ASIC2: variants seen among roughly 807,000 people sequenced by gnomAD.
ASIC2 encodes the protein acid sensing ion channel subunit 2.
Under a neutral mutation model 57.3 loss-of-function variants are expected in ASIC2, and 25 were observed. The ratio of observed to expected loss-of-function variants is 0.44; its 90% CI spans 0.32 to 0.61. The LOEUF (loss-of-function observed/expected upper bound fraction) is 0.61, where lower values mean the gene tolerates loss of function less well. Ranked by LOEUF, ASIC2 falls within the 20% of genes least tolerant of loss-of-function variation. The pLI is 0.06. For synonymous variants in ASIC2, 319 were observed against 307.5 expected (o/e 1.04, Z -0.39); for missense variants, 641 against 738.1 (o/e 0.87, Z 1.52).
intron 1 of ASIC2, among the ~76,000 whole-genome samples, chr17:33,970,440 G>C (rs529805574): frequency 1.1e-4 from 16 of 152,342 alleles, no homozygotes; most frequent in Non-Finnish European, 2.2e-4. Context: ...CCCACACCCA[G>C]CTGTGAAACA....
chr17:34,021,986 C>T (rs989829393), intron 1 of ASIC2, among the ~76,000 whole-genome samples: 35 of 151,808 alleles, frequency 2.3e-4, no homozygotes, highest in Non-Finnish European at 3.8e-4. Flanking sequence ...TATAGGTGCC[C>T]GCCACCACGC....
At chr17:33,882,497 G>C (rs970705020) in intron 1 of ASIC2, among the ~76,000 whole-genome samples, 8 of 152,178 alleles carry the variant, frequency 5.3e-5, no homozygotes, top group African/African-American at 1.9e-4. Flanking sequence ...GCAGCCAACA[G>C]ACACATGAAA....
At chr17:33,767,768 T>C (rs1433962409) in intron 1 of ASIC2, among the ~76,000 whole-genome samples, 1 of 152,216 alleles carries the variant, frequency 6.6e-6, no homozygotes, top group African/African-American at 2.4e-5. Context: ...ACTATGAATA[T>C]TTTTAGACAA....
At chr17:33,430,767 G>A (rs9890047) in intron 1 of ASIC2, among the ~76,000 whole-genome samples, 41,186 of 152,086 alleles carry the variant, frequency 0.27, 5,648 homozygotes, top group South Asian at 0.35. Context: ...AAAAACAAAC[G>A]ATTAAAAAAC....
At chr17:33,399,732 C>T (rs1201314871) in intron 1 of ASIC2, among the ~76,000 whole-genome samples, 2 of 152,138 alleles carry the variant, frequency 1.3e-5, no homozygotes, top group Non-Finnish European at 2.9e-5. Flanking sequence ...GGAGAGAAAG[C>T]CACAGGCAGA....
chr17:33,806,508 T>C (rs1295583082), intron 1 of ASIC2, among the ~76,000 whole-genome samples: 1 of 152,240 alleles, frequency 6.6e-6, no homozygotes, highest in Non-Finnish European at 1.5e-5. Context: ...GAAAACAGCA[T>C]GAGCTTCTGT....
chr17:33,299,685 T>C (rs925328430), intron 1 of ASIC2, among the ~76,000 whole-genome samples: 2 of 151,628 alleles, frequency 1.3e-5, no homozygotes, highest in African/African-American at 4.8e-5. Flanking sequence ...TCACAAGCAA[T>C]TCCCAGGTAT....
At chr17:33,706,248 GA>G (rs905693684) in intron 1 of ASIC2, among the ~76,000 whole-genome samples, 5 of 148,340 alleles carry the variant, frequency 3.4e-5, no homozygotes, top group African/African-American at 1.2e-4. Context: ...TTTGAGACAG[GA>G]TCTGGCTCTG....
intron 1 of ASIC2, among the ~76,000 whole-genome samples, chr17:33,237,647 C>T (rs1452635040): frequency 6.6e-5 from 10 of 152,188 alleles, no homozygotes; most frequent in Non-Finnish European, 1.5e-4. Flanking sequence ...AGATGTTTGA[C>T]TCTGGGCAAG....
chr17:33,086,982 T>A (rs1363110669), intron 3 of ASIC2, among the ~76,000 whole-genome samples: 1 of 152,098 alleles, frequency 6.6e-6, no homozygotes, highest in Non-Finnish European at 1.5e-5. Flanking sequence ...ACCCAGGCCC[T>A]CTCTATGAAT....
chr17:33,086,049 A>T (rs925463515), intron 3 of ASIC2, among the ~76,000 whole-genome samples: 96 of 152,138 alleles, frequency 6.3e-4, no homozygotes, highest in African/African-American at 2.1e-3. Context: ...TCCTCATCCT[A>T]CTCACCATAG....
chr17:33,654,014 G>T (rs1039521404), intron 1 of ASIC2, among the ~76,000 whole-genome samples: 10 of 152,154 alleles, frequency 6.6e-5, no homozygotes, highest in African/African-American at 1.7e-4. Flanking sequence ...GCTGATCTCA[G>T]GTCCATCAAA....
At chr17:34,095,499 T>G (rs976607426) in intron 1 of ASIC2, among the ~76,000 whole-genome samples, 2 of 151,760 alleles carry the variant, frequency 1.3e-5, no homozygotes, top group African/African-American at 2.4e-5. Context: ...TGCTGCATCT[T>G]TCATCTCCAA....
intron 3 of ASIC2, among the ~76,000 whole-genome samples, chr17:33,032,141 AT>A (rs2091886065): frequency 6.6e-6 from 1 of 152,136 alleles, no homozygotes; most frequent in African/African-American, 2.4e-5. Context: ...TGAAGTTATC[AT>A]GTTGTTCTTT....
intron 1 of ASIC2, among the ~76,000 whole-genome samples, chr17:33,830,716 C>T (rs981827661): frequency 1.3e-5 from 2 of 151,992 alleles, no homozygotes; most frequent in Non-Finnish European, 2.9e-5. Context: ...CCTCCCCTTG[C>T]CCCCTACCCT....
At chr17:33,949,448 C>T (rs375094763) in intron 1 of ASIC2, among the ~76,000 whole-genome samples, 5 of 152,296 alleles carry the variant, frequency 3.3e-5, no homozygotes, top group East Asian at 3.9e-4. Flanking sequence ...GATTCTTCCA[C>T]AATAAATGAC....
intron 1 of ASIC2, among the ~76,000 whole-genome samples, chr17:33,234,712 G>A (rs1597643478): frequency 6.6e-6 from 1 of 152,206 alleles, no homozygotes; most frequent in Non-Finnish European, 1.5e-5. Flanking sequence ...TCTTCTTGCT[G>A]TATCCTCACA....
chr17:33,331,450 C>T (rs373501770), intron 1 of ASIC2, among the ~76,000 whole-genome samples: 13 of 152,188 alleles, frequency 8.5e-5, no homozygotes, highest in African/African-American at 3.1e-4. Flanking sequence ...AAAACCACAG[C>T]TATTTCATGC....
At chr17:33,855,673 A>G (rs1274402137) in intron 1 of ASIC2, among the ~76,000 whole-genome samples, 1 of 151,910 alleles carries the variant, frequency 6.6e-6, no homozygotes, top group African/African-American at 2.4e-5. Flanking sequence ...TGGGGATGAT[A>G]ATGATGATGG....
Sources: allele counts gnomAD v4.1 joint callset (sites outside exome capture counted in the v4.1 genomes callset), GRCh38; gene constraint gnomAD v4.1.1; transcripts MANE v1.5; gene names NCBI Gene and HGNC (gene_info 2026-07-23, HGNC 2026-07-21).